SLC25A26: variants seen among roughly 807,000 people sequenced by gnomAD.
SLC25A26 encodes solute carrier family 25 member 26.
In SLC25A26, 36 loss-of-function variants were observed where a neutral mutation model predicts 37.8. The observed-to-expected ratio is 0.95, with a 90% confidence interval of 0.73 to 1.26. The LOEUF (loss-of-function observed/expected upper bound fraction) is 1.26, where lower values mean the gene tolerates loss of function less well. Among genes scored for constraint, SLC25A26 ranks in the 50% most tolerant of loss-of-function variants. SLC25A26 has a pLI of 0.00. For missense variants in SLC25A26, 390 were observed against 331.1 expected (o/e 1.18, Z -1.38); for synonymous variants, 129 against 122.5 (o/e 1.05, Z -0.35).
chr3:66,376,709 C>T (rs1044411436), intron 9 of SLC25A26, among the ~76,000 whole-genome samples: 2 of 152,132 alleles, frequency 1.3e-5, no homozygotes, highest in South Asian at 2.1e-4. Context: ...CCAAACTTGG[C>T]CTGGGACCAA....
At chr3:66,160,637 T>C (rs2070344503) in intron 1 of SLC25A26, among the ~76,000 whole-genome samples, 2 of 152,148 alleles carry the variant, frequency 1.3e-5, no homozygotes, top group Admixed American at 6.5e-5. Flanking sequence ...TTATGAAAAT[T>C]ACTAGTAATT....
chr3:66,280,526 C>T (rs965444350), intron 5 of SLC25A26, among the ~76,000 whole-genome samples: 1 of 152,138 alleles, frequency 6.6e-6, no homozygotes, highest in Non-Finnish European at 1.5e-5. Context: ...ACATAAAGCA[C>T]GAAACACTGT....
At chr3:66,292,952 A>G (rs2074766086) in intron 5 of SLC25A26, among the ~76,000 whole-genome samples, 1 of 151,976 alleles carries the variant, frequency 6.6e-6, no homozygotes. Flanking sequence ...CTTTTCACAT[A>G]GTCCTATATT....
At chr3:66,311,428 G>A (rs926498464) in intron 5 of SLC25A26, among the ~76,000 whole-genome samples, 1 of 151,924 alleles carries the variant, frequency 6.6e-6, no homozygotes, top group Admixed American at 6.6e-5. Context: ...CTTTCATTGG[G>A]TTAGAACATG....
intron 1 of SLC25A26, among the ~76,000 whole-genome samples, chr3:66,151,474 C>T (rs762807544): frequency 1.3e-5 from 2 of 152,146 alleles, no homozygotes; most frequent in African/African-American, 2.4e-5. Context: ...TATTAGTTTG[C>T]GGTTCAAGGG....
chr3:66,333,900 C>T (rs1402126115), intron 5 of SLC25A26, among the ~76,000 whole-genome samples: 3 of 152,190 alleles, frequency 2.0e-5, no homozygotes, highest in African/African-American at 7.2e-5. Flanking sequence ...TGCAAGTCTT[C>T]GCTTCCATTT....
At chr3:66,141,586 C>A (rs2070034841) in intron 1 of SLC25A26, among the ~76,000 whole-genome samples, 1 of 151,650 alleles carries the variant, frequency 6.6e-6, no homozygotes, top group Admixed American at 6.6e-5. Context: ...GATCTTGGCT[C>A]CCTGCAGCCT....
rs149286837 is a variant in SLC25A26 at position 66,223,543 on chromosome 3, A to T, written c.33+2416A>T. On this transcript the variant is annotated intron_variant, in intron 1 of 9. Transcript: ENST00000354883. ...TAATGTCTTGGAGTGCGTTTGAGAC[A>T]CAGTGAACACTCCTGAGGGAGTTTG... 3.7e-3 allele frequency among the ~76,000 whole-genome samples: 560 copies of T among 152,372 alleles called. 3 individuals carry two copies. The highest frequency in any genetic ancestry group is 0.017 in the East Asian group (88 of 5,188).
At chr3:66,360,646 T>C (rs1020039181) in intron 6 of SLC25A26, among the ~76,000 whole-genome samples, 1 of 152,182 alleles carries the variant, frequency 6.6e-6, no homozygotes, top group Admixed American at 6.5e-5. Flanking sequence ...TAAAAAACAG[T>C]GCGATTTGCA....
At chr3:66,276,932 T>G (rs565656813) in intron 5 of SLC25A26, among the ~76,000 whole-genome samples, 1 of 148,546 alleles carries the variant, frequency 6.7e-6, no homozygotes, top group Non-Finnish European at 1.5e-5. Flanking sequence ...AGCATGAACT[T>G]GGAAGCTGCT....
chr3:66,190,352 G>A (rs1031314578), intron 1 of SLC25A26, among the ~76,000 whole-genome samples: 2 of 151,966 alleles, frequency 1.3e-5, no homozygotes, highest in Non-Finnish European at 2.9e-5. Context: ...AGAAACTGCA[G>A]TTGAGAAAAA....
At chr3:66,148,968 A>T (rs571011647) in intron 1 of SLC25A26, among the ~76,000 whole-genome samples, 1 of 152,296 alleles carries the variant, frequency 6.6e-6, no homozygotes, top group Non-Finnish European at 1.5e-5. Flanking sequence ...GCCATCTGTT[A>T]GTTTTTAAAA....
chr3:66,170,368 T>C (rs2070478805), intron 1 of SLC25A26, among the ~76,000 whole-genome samples: 1 of 152,174 alleles, frequency 6.6e-6, no homozygotes, highest in Admixed American at 6.5e-5. Context: ...ATCAGATAGA[T>C]TTCTATTTGA....
At chr3:66,290,354 G>A (rs2074663660) in intron 5 of SLC25A26, among the ~76,000 whole-genome samples, 1 of 152,158 alleles carries the variant, frequency 6.6e-6, no homozygotes, top group Non-Finnish European at 1.5e-5. Context: ...ATACTCTGTT[G>A]AATAGGAGTG....
At chr3:66,370,222 C>T (rs1165936153) in intron 8 of SLC25A26, among the ~76,000 whole-genome samples, 1 of 152,226 alleles carries the variant, frequency 6.6e-6, no homozygotes, top group East Asian at 1.9e-4. Flanking sequence ...TAATGATTCC[C>T]CGCCCTCCTC....
intron 1 of SLC25A26, among the ~76,000 whole-genome samples, chr3:66,236,156 C>G (rs1019638615): frequency 6.0e-5 from 9 of 149,302 alleles, no homozygotes; most frequent in African/African-American, 2.0e-4. Flanking sequence ...AAGTGATCCT[C>G]CCACCTCTGC....
At chr3:66,262,771 T>A (rs1315888657) in intron 4 of SLC25A26, among the ~76,000 whole-genome samples, 2 of 152,214 alleles carry the variant, frequency 1.3e-5, no homozygotes, top group Non-Finnish European at 2.9e-5. Flanking sequence ...AATATCTAAT[T>A]GTACAAATGA....
At chr3:66,273,046 A>G (rs2074010974) in intron 5 of SLC25A26, among the ~76,000 whole-genome samples, 1 of 152,150 alleles carries the variant, frequency 6.6e-6, no homozygotes, top group African/African-American at 2.4e-5. Context: ...ATCTGTTGAG[A>G]TAACCATGTG....
chr3:66,209,463 A>G (rs1334982821), intron 1 of SLC25A26, among the ~76,000 whole-genome samples: 4 of 141,552 alleles, frequency 2.8e-5, no homozygotes, highest in Non-Finnish European at 4.5e-5. Context: ...AAAGGTGTAT[A>G]TATATATAAA....
Sources: gnomAD v4.1 joint callset for allele counts (sites outside exome capture counted in the v4.1 genomes callset) on GRCh38, gnomAD v4.1.1 for gene constraint, MANE v1.5 for transcripts, NCBI Gene and HGNC (gene_info 2026-07-23, HGNC 2026-07-21) for gene names.